Variants in TSHZ2 observed in about 807,000 individuals in gnomAD.
The protein encoded by TSHZ2 is teashirt zinc finger homeobox 2.
TSHZ2 carries 21 observed loss-of-function variants against 74.4 expected under a neutral mutation model. The observed-to-expected ratio is 0.28, with a 90% CI of 0.20 to 0.41. The LOEUF (loss-of-function observed/expected upper bound fraction) is 0.41. TSHZ2 is among the 10% of genes least tolerant of loss of function. The probability of loss-of-function intolerance (pLI) is 1.00; values close to 1 mark genes in which losing one functional copy is unlikely to be tolerated. For synonymous variants in TSHZ2, 540 were observed against 515.3 expected, an observed-to-expected ratio of 1.05 and a Z score of -0.65; for missense variants, 1,244 against 1,293.5, an observed-to-expected ratio of 0.96 and a Z score of 0.59.
chr20:53,474,176 G>T (rs371560634), intron 2 of TSHZ2, among the ~76,000 whole-genome samples: 1 of 148,546 alleles, frequency 6.7e-6, no homozygotes, highest in African/African-American at 2.5e-5. Flanking sequence ...GATACTCCTC[G>T]AGAAGAGCAA....
chr20:53,061,065 T>C (rs1342939208), intron 1 of TSHZ2, among the ~76,000 whole-genome samples: 1 of 152,222 alleles, frequency 6.6e-6, no homozygotes, highest in Non-Finnish European at 1.5e-5. Context: ...AAAGGTTCCT[T>C]TCTTGGTTCT....
chr20:53,445,971 G>T (rs1023204603), intron 2 of TSHZ2, among the ~76,000 whole-genome samples: 3 of 152,094 alleles, frequency 2.0e-5, no homozygotes, highest in Admixed American at 2.0e-4. Context: ...AGCCAAACCT[G>T]GTTTGGTCCC....
At chr20:53,358,545 A>C (rs867517346) in intron 2 of TSHZ2, among the ~76,000 whole-genome samples, 5 of 151,812 alleles carry the variant, frequency 3.3e-5, no homozygotes, top group Non-Finnish European at 7.4e-5. Context: ...GGGTTTCACC[A>C]TGTTGGCCAG....
intron 2 of TSHZ2, among the ~76,000 whole-genome samples, chr20:53,356,657 A>C (rs898222506): frequency 6.6e-6 from 1 of 152,148 alleles, no homozygotes; most frequent in African/African-American, 2.4e-5. Context: ...TAGAATTAAC[A>C]TCCTATGTCT....
At chr20:53,258,371 AG>A (rs1332650656) in intron 2 of TSHZ2, among the ~76,000 whole-genome samples, 8 of 152,056 alleles carry the variant, frequency 5.3e-5, no homozygotes, top group Non-Finnish European at 8.8e-5. Flanking sequence ...AAAAAAAAAG[AG>A]GGGGGGCATA....
intron 1 of TSHZ2, among the ~76,000 whole-genome samples, chr20:53,042,784 A>G (rs542974839): frequency 5.9e-5 from 9 of 152,254 alleles, no homozygotes; most frequent in African/African-American, 2.2e-4. Flanking sequence ...TTAGTGGAAA[A>G]TTTGCGGAAA....
chr20:53,463,435 G>GAAGGAAGA (rs11283137), intron 2 of TSHZ2, among the ~76,000 whole-genome samples: 6,857 of 114,240 alleles, frequency 0.06, 822 homozygotes, highest in Admixed American at 0.082. Flanking sequence ...AGGAAGGAAG[G>GAAGGAAGA]AGGGAGGGAG....
chr20:53,441,171 TCTG>T (rs1984297989), intron 2 of TSHZ2, among the ~76,000 whole-genome samples: 1 of 152,194 alleles, frequency 6.6e-6, no homozygotes, highest in Non-Finnish European at 1.5e-5. Flanking sequence ...CAGTAAAACT[TCTG>T]CTGCTTTACT....
chr20:53,170,482 C>A (rs1296114240), intron 1 of TSHZ2, among the ~76,000 whole-genome samples: 12 of 152,196 alleles, frequency 7.9e-5, no homozygotes, highest in Non-Finnish European at 1.8e-4. Context: ...TCTTGACAAC[C>A]TTGACGCTAT....
chr20:52,974,515 CCT>C (rs59121010), intron 1 of TSHZ2, among the ~76,000 whole-genome samples: 14,635 of 151,464 alleles, frequency 0.097, 849 homozygotes, highest in African/African-American at 0.15. Context: ...GTTGTTTTTT[CCT>C]CTCTCTCTGT....
chr20:53,078,921 CATA>C (rs1482245576), intron 1 of TSHZ2, among the ~76,000 whole-genome samples: 2 of 152,132 alleles, frequency 1.3e-5, no homozygotes, highest in Non-Finnish European at 2.9e-5. Context: ...TGGATTTCAA[CATA>C]ATACCCAATT....
chr20:53,168,002 C>T (rs534778083), intron 1 of TSHZ2, among the ~76,000 whole-genome samples: 8 of 152,276 alleles, frequency 5.3e-5, no homozygotes, highest in African/African-American at 1.7e-4. Context: ...TGGCAATAGT[C>T]GCCTTGCCAG....
In TSHZ2 at chr20:53,364,779, C is replaced by T. The variant is rs76821451; in HGVS notation, c.*8+108208C>T. ...GAGCTGTCTTGATGTTTCTGGAAGGCATTGCCAACACCAGCGGAACTTGCA... is the reference window on the plus strand; with the variant it reads ...GAGCTGTCTTGATGTTTCTGGAAGGTATTGCCAACACCAGCGGAACTTGCA... On this transcript the variant is annotated intron_variant, in intron 2 of 2. Coordinates refer to ENST00000371497, the MANE Select transcript of TSHZ2 (RefSeq NM_173485.6). 1.0e-3 allele frequency among the ~76,000 whole-genome samples: 154 copies of T among 152,360 alleles called. 1 individual carries two copies. The highest frequency in any genetic ancestry group is 3.6e-3 in the African/African-American group (148 of 41,588).
chr20:53,042,222 T>C (rs1322163392), intron 1 of TSHZ2, among the ~76,000 whole-genome samples: 1 of 152,254 alleles, frequency 6.6e-6, no homozygotes, highest in Non-Finnish European at 1.5e-5. Flanking sequence ...ATCTCCTTGG[T>C]GAGGGAAAAT....
chr20:53,461,134 C>A (rs1227584762), intron 2 of TSHZ2, among the ~76,000 whole-genome samples: 2 of 152,090 alleles, frequency 1.3e-5, no homozygotes, highest in African/African-American at 4.8e-5. Context: ...GCGCCCCTCC[C>A]CCAGCCTCGC....
At chr20:53,066,463 C>T (rs1310608702) in intron 1 of TSHZ2, among the ~76,000 whole-genome samples, 1 of 152,034 alleles carries the variant, frequency 6.6e-6, no homozygotes, top group African/African-American at 2.4e-5. Context: ...AGTGGACCTC[C>T]GGCTATCGCG....
chr20:53,159,100 C>T (rs761737479), intron 1 of TSHZ2, among the ~76,000 whole-genome samples: 1 of 152,142 alleles, frequency 6.6e-6, no homozygotes, highest in Non-Finnish European at 1.5e-5. Context: ...AGCCTCTTAC[C>T]CTCACAACCA....
At chr20:53,341,006 CT>C (rs1275228608) in intron 2 of TSHZ2, among the ~76,000 whole-genome samples, 1 of 152,168 alleles carries the variant, frequency 6.6e-6, no homozygotes, top group Non-Finnish European at 1.5e-5. Flanking sequence ...TTTGTTATTA[CT>C]GTTGTATAAG....
chr20:53,250,105 G>C (rs1331960476), intron 1 of TSHZ2, among the ~76,000 whole-genome samples: 7 of 152,142 alleles, frequency 4.6e-5, no homozygotes, highest in African/African-American at 1.7e-4. Flanking sequence ...GAGTCAAGCT[G>C]GGGAAATGGA....
Sources: gnomAD v4.1 joint callset for allele counts (sites outside exome capture counted in the v4.1 genomes callset) on GRCh38, gnomAD v4.1.1 for gene constraint, MANE v1.5 for transcripts, NCBI Gene and HGNC (gene_info 2026-07-23, HGNC 2026-07-21) for gene names.